IL31RA: variants seen among roughly 807,000 people sequenced by gnomAD.
IL31RA encodes the protein interleukin-31 receptor subunit alpha.
IL31RA carries 66 observed loss-of-function variants against 83.7 expected under a neutral mutation model. The observed-to-expected ratio is 0.79, with a 90% confidence interval of 0.65 to 0.97. The LOEUF (loss-of-function observed/expected upper bound fraction) is 0.97, where lower values mean the gene tolerates loss of function less well. IL31RA is among the 50% of genes least tolerant of loss of function. The probability of loss-of-function intolerance (pLI) is 0.00; values close to 1 mark genes in which losing one functional copy is unlikely to be tolerated. For synonymous variants in IL31RA, 325 were observed against 329.0 expected, an observed-to-expected ratio of 0.99 and a Z score of 0.13; for missense variants, 798 against 919.4, an observed-to-expected ratio of 0.87 and a Z score of 1.71.
At chr5:55,915,856 A>G (rs1749754109) in intron 14 of IL31RA, among the ~76,000 whole-genome samples, 1 of 152,242 alleles carries the variant, frequency 6.6e-6, no homozygotes, top group Non-Finnish European at 1.5e-5. Flanking sequence ...GGCACTTATT[A>G]ATCACTCACT....
At chr5:55,872,177 A>G in intron 3 of IL31RA, 93 bp from the exon 4 acceptor site, 1 of 971,422 alleles carries the variant, frequency 1.0e-6, no homozygotes, top group Non-Finnish European at 1.6e-6. Flanking sequence ...AAACCCAGAG[A>G]AAAACTAACA....
chr5:55,897,434 G>A (rs1748475156), intron 7 of IL31RA, among the ~76,000 whole-genome samples: 1 of 152,044 alleles, frequency 6.6e-6, no homozygotes, highest in Non-Finnish European at 1.5e-5. Flanking sequence ...AACGATCACT[G>A]ACCAGCCTCT....
Position 55,898,601 on chromosome 5 carries a change from TA to T in IL31RA, c.853-1314del, listed in dbSNP as rs138595698. On this transcript the variant is annotated intron_variant, in intron 7 of 14. Transcript: ENST00000652347. ...GATTTTAAATAACATATTAATATGT[TA>T]TTTTAAAAAGATTTTAAATAACATA... Among the ~76,000 whole-genome samples the T allele has an allele frequency of 4.0e-3, 181 of 45,704 alleles. 1 individual carries two copies. Among genetic ancestry groups the T allele is most frequent in the South Asian group, 0.018 (26 of 1,456 alleles). The allele number at this position is 45,704 out of a possible 152,430, so 30.0% of individuals were successfully genotyped here.
chr5:55,891,868 C>T (rs888465187), intron 6 of IL31RA, among the ~76,000 whole-genome samples: 12 of 148,344 alleles, frequency 8.1e-5, no homozygotes, highest in African/African-American at 1.5e-4. Context: ...CTCCGCCTCC[C>T]AGGTTCACAC....
chr5:55,842,155 C>A, the IL31RA span, among the ~76,000 whole-genome samples: 1 of 152,142 alleles, frequency 6.6e-6, no homozygotes, highest in Non-Finnish European at 1.5e-5. Context: ...GTAGACACAT[C>A]ATGCCAATCT....
Position 55,873,785 on chromosome 5 carries a change from T to A in IL31RA, c.454+1334T>A, listed in dbSNP as rs1006474004. ...TGAGTTTTAAGAATTGTTTATATATTCTTGGCACAAGTTCCTTATCAGATA... is the reference window on the plus strand; with the variant it reads ...TGAGTTTTAAGAATTGTTTATATATACTTGGCACAAGTTCCTTATCAGATA... On this transcript the variant is annotated intron_variant, in intron 4 of 14. Coordinates refer to ENST00000652347, the MANE Select transcript of IL31RA (RefSeq NM_139017.7). Among the ~76,000 whole-genome samples, 3 of 152,264 alleles carry A rather than the reference T, an allele frequency of 2.0e-5. No individual in the cohort carries two copies. In the East Asian group the frequency reaches 5.8e-4, roughly 29 times the overall value.
chr5:55,917,207 T>C lies in IL31RA; in HGVS notation c.*87T>C. On this transcript the variant is annotated 3_prime_UTR_variant, in exon 15 of 15. Transcript: ENST00000652347. ...TCAAGACTCGGCACGCAGCGCTTGC[T>C]TGGCCCTGCCACATCCTGCCTAGGT... The C allele has an allele frequency of 6.2e-7, 1 of 1,603,932 alleles. No homozygotes were observed. Among genetic ancestry groups the C allele is most frequent in the Non-Finnish European group, 8.5e-7 (1 of 1,179,606 alleles).
Position 55,883,139 on chromosome 5 carries a change from G to A in IL31RA, c.550G>A (p.Val184Ile), listed in dbSNP as rs756017686. Residue 184 changes from valine to isoleucine, a missense_variant, in exon 5 of 15, where the codon GTT (valine) becomes ATT (isoleucine). Val to Ile is a conservative substitution (Grantham distance 29). Coordinates refer to ENST00000652347, the MANE Select transcript of IL31RA (RefSeq NM_139017.7). The stretch of plus-strand genomic sequence containing the variant: ...ATGGATAAAGCCTGAGTTGGCGCCT[G>A]TTTCATCTGATTTAAAATACACACT... ...IEWIKPELAP[V>I]SSDLKYTLRF... 4.3e-6 allele frequency: 7 copies of A among 1,613,980 alleles called. No individual in the cohort carries two copies. Among genetic ancestry groups the A allele is most frequent in the Non-Finnish European group, 5.1e-6 (6 of 1,179,928 alleles).
intron 5 of IL31RA, among the ~76,000 whole-genome samples, chr5:55,883,514 TA>T (rs1043034870): frequency 1.3e-5 from 2 of 152,236 alleles, no homozygotes; most frequent in African/African-American, 4.8e-5. Flanking sequence ...TTTTATTTTT[TA>T]TTTTTCTGAC....
intron 8 of IL31RA, 63 bp downstream of exon 8, chr5:55,900,195 C>T (rs1148039): frequency 0.3 from 347,446 of 1,165,356 alleles, 53,534 homozygotes; most frequent in East Asian, 0.37. Flanking sequence ...AGGAGCAGTC[C>T]CTGTGCTCTC....
intron 4 of IL31RA, among the ~76,000 whole-genome samples, chr5:55,881,301 CAA>C (rs70995744): frequency 5.8e-5 from 8 of 138,878 alleles, no homozygotes; most frequent in African/African-American, 7.9e-5. Context: ...GGCTCCATCT[CAA>C]AAAAAAAAAG....
chr5:55,888,769 T>TG (rs1336017433), intron 5 of IL31RA, among the ~76,000 whole-genome samples: 6 of 152,188 alleles, frequency 3.9e-5, no homozygotes, highest in Admixed American at 6.5e-5. Context: ...TTGAAGAGGA[T>TG]GCTCAGGGAA....
At chr5:55,861,413 A>T (rs1561538552) in intron 2 of IL31RA, among the ~76,000 whole-genome samples, 2 of 152,196 alleles carry the variant, frequency 1.3e-5, no homozygotes, top group Non-Finnish European at 2.9e-5. Context: ...GCGGCATGAG[A>T]TTCTCATGGG....
At chr5:55,896,787 A>ATC (rs1016655686) in intron 7 of IL31RA, among the ~76,000 whole-genome samples, 11 of 46,398 alleles carry the variant, frequency 2.4e-4, no homozygotes, top group Non-Finnish European at 4.0e-4. Flanking sequence ...TCCTTTCTCT[A>ATC]TCTCTCTCTC....
At chr5:55,855,523 GGT>G (rs1745306079) in intron 1 of IL31RA, among the ~76,000 whole-genome samples, 1 of 152,062 alleles carries the variant, frequency 6.6e-6, no homozygotes, top group Non-Finnish European at 1.5e-5. Context: ...ATCACGTAGT[GGT>G]ACATTCTTGT....
intron 2 of IL31RA, among the ~76,000 whole-genome samples, chr5:55,862,502 G>C (rs1580656858): frequency 6.6e-6 from 1 of 152,264 alleles, no homozygotes; most frequent in East Asian, 1.9e-4. Context: ...TCTGCCTCCT[G>C]GGTTCAAGCA....
At chr5:55,906,071 G>C (rs1178374738) in intron 8 of IL31RA, 35 bp from the exon 9 acceptor site, 13 of 1,607,520 alleles carry the variant, frequency 8.1e-6, no homozygotes, top group Middle Eastern at 1.7e-4. Flanking sequence ...GAATGAGTTG[G>C]GTAGCTGTGA....
At chr5:55,899,409 T>A (rs906885051) in intron 7 of IL31RA, among the ~76,000 whole-genome samples, 20 of 152,218 alleles carry the variant, frequency 1.3e-4, no homozygotes, top group African/African-American at 4.6e-4. Flanking sequence ...TGCGGCCCTC[T>A]TAGCTAGGAC....
chr5:55,908,184 G>GTA, intron 10 of IL31RA, 81 bp from the exon 11 acceptor site: 1 of 1,600,970 alleles, frequency 6.2e-7, no homozygotes. Flanking sequence ...TTTGGTCTGA[G>GTA]TACTGGCCAG....
Sources: gnomAD v4.1 joint callset for allele counts (sites outside exome capture counted in the v4.1 genomes callset) on GRCh38, gnomAD v4.1.1 for gene constraint, MANE v1.5 for transcripts, NCBI Gene and HGNC (gene_info 2026-07-23, HGNC 2026-07-21) for gene names.